IL9R: variants seen among roughly 807,000 people sequenced by gnomAD.
IL9R encodes interleukin 9 receptor.
Under a neutral mutation model 56.3 loss-of-function variants are expected in IL9R, and 54 were observed. The observed-to-expected ratio is 0.96, with a 90% confidence interval of 0.77 to 1.20. IL9R has a LOEUF of 1.20. Among genes scored for constraint, IL9R ranks in the 50% most tolerant of loss-of-function variants. The pLI, the probability that IL9R is intolerant of heterozygous loss-of-function variation, is 0.00. For missense variants in IL9R, 545 were observed against 629.8 expected, an observed-to-expected ratio of 0.87 and a Z score of 1.44; for synonymous variants, 212 against 250.2, an observed-to-expected ratio of 0.85 and a Z score of 1.44.
rs762018063 is a variant in IL9R at position 156,007,540 on chromosome X, A to T, written c.905A>T (p.Tyr302Phe). The change falls in exon 8 of 9, where the codon TAC becomes TTC. Residue 302 changes from tyrosine (Y) to phenylalanine (F), a missense_variant. Transcript: ENST00000244174. Reference sequence around the variant, plus strand: ...GGCCTCAGGGTGAAGAGAATCTTCTACCAGAACGTGCCCTCTCCAGCGATG... The same window carrying T: ...GGCCTCAGGGTGAAGAGAATCTTCTTCCAGAACGTGCCCTCTCCAGCGATG... ...KLSPRVKRIF[Y>F]QNVPSPAMFF... 6.9e-6 allele frequency: 9 copies of T among 1,312,284 alleles called. No homozygotes were observed. In the South Asian group the frequency reaches 1.1e-4, roughly 16 times the overall value. The allele number at this position is 1,312,284 out of a possible 1,614,324, so 81.3% of individuals were successfully genotyped here.
rs1172838508 is a variant in IL9R, at chrX:156,009,992, C to T, written c.1149C>T (p.Leu383=). Residue 383 remains leucine, a synonymous_variant, in exon 9 of 9, where the codon CTC becomes CTT. Coordinates refer to ENST00000244174, the MANE Select transcript of IL9R (RefSeq NM_002186.3). ...AACAGGAGGGCCCTGGGACCAGGCT[C>T]CCGGGGAACCTGAGCTCAGAGGATG... ...EEEQEGPGTR[L]PGNLSSEDVL... 1.3e-6 allele frequency: 2 copies of T among 1,555,424 alleles called. 1 individual carries two copies. Among genetic ancestry groups the T allele is most frequent in the African/African-American group, 3.7e-5 (2 of 54,002 alleles).
chrX:156,006,108 G>T lies in IL9R; in HGVS notation c.807G>T (p.Trp269Cys). Residue 269 changes from tryptophan to cysteine, a missense_variant, in exon 7 of 9, where the codon TGG becomes TGT. Trp to Cys is a radical substitution (Grantham distance 215). Around this residue, in one of 2 missense-constraint regions of IL9R, gnomAD observed 431 missense variants for 360.0 expected, o/e 1.20. Transcript: ENST00000244174. ...GCCCTCTGATCCCACCCTGGGGGTG[G>T]CCAGGCAACACCCTTGTTGCTGTGT... ...RQGPLIPPWG[W>C]PGNTLVAVSI... is the part of the protein sequence containing the mutation. The T allele has an allele frequency of 6.2e-7, 1 of 1,600,432 alleles. No individual in the cohort carries two copies.
At position 156,010,383 on chromosome X, in the gene IL9R, A is replaced by G. The variant is rs1280447609; in HGVS notation, c.1540A>G (p.Ser514Gly). ...GGGCATGTTGCTCCCTTCTGTCCTC[A>G]GCAAGGCTCGGTCCTGGACATTCTA... ...LQGMLLPSVL[S>G]KARSWTF is the part of the protein sequence containing the mutation. The change falls in exon 9 of 9, where the codon AGC becomes GGC. Residue 514 changes from serine (S) to glycine (G), a missense_variant. Ser to Gly is a moderately conservative substitution (Grantham distance 56, BLOSUM62 0). Around this residue, in one of 2 missense-constraint regions of IL9R, gnomAD observed 114 missense variants for 269.8 expected, o/e 0.42. Coordinates refer to ENST00000244174, the MANE Select transcript of IL9R (RefSeq NM_002186.3). 5 of 523,386 alleles carry G rather than the reference A, an allele frequency of 9.6e-6. No homozygotes were observed. The highest frequency in any genetic ancestry group is 1.5e-5 in the Non-Finnish European group (5 of 326,448). 32.4% of individuals were successfully genotyped at this position (523,386 alleles called of 1,614,324 possible). A position where few individuals can be genotyped will look rare whatever the true frequency, so the allele number is the denominator to read the frequency against.
At chrX:156,009,429 TTGTGTGTGTG>T (rs754546109) in intron 8 of IL9R, among the ~76,000 whole-genome samples, 1 of 134,014 alleles carries the variant, frequency 7.5e-6, no homozygotes, top group African/African-American at 3.0e-5. Context: ...TTGTGTATGT[TTGTGTGTGTG>T]TGTGTGTGTG....
intron 6 of IL9R, 40 bp downstream of exon 6, chrX:156,005,519 G>C: frequency 6.4e-7 from 1 of 1,558,092 alleles, no homozygotes; most frequent in Non-Finnish European, 8.8e-7. Flanking sequence ...AGCGGAGTCT[G>C]GGCTGGGCGT....
At chrX:156,001,951 G>C (rs3093489) in intron 1 of IL9R, among the ~76,000 whole-genome samples, 1 of 152,158 alleles carries the variant, frequency 6.6e-6, no homozygotes, top group Admixed American at 6.5e-5. Flanking sequence ...AGTTCAGAAA[G>C]TGCCATCTGT....
chrX:156,005,239 C>T, intron 5 of IL9R, 39 bp from the exon 6 acceptor site: 1 of 1,578,044 alleles, frequency 6.3e-7, no homozygotes, highest in Non-Finnish European at 8.7e-7. Context: ...GGGACCCAGC[C>T]CCACCTTCAC....
intron 1 of IL9R, 97 bp from the exon 2 acceptor site, chrX:156,002,809 G>A (rs945614621): frequency 1.1e-5 from 17 of 1,553,986 alleles, no homozygotes; most frequent in Non-Finnish European, 1.4e-5. Flanking sequence ...GAGTGCAGGT[G>A]GGGACCCATG....
At chrX:156,005,996 C>G (rs1479279623) in intron 6 of IL9R, 87 bp from the exon 7 acceptor site, 1 of 695,156 alleles carries the variant, frequency 1.4e-6, no homozygotes, top group South Asian at 1.8e-5. Context: ...GCCCAGGGCA[C>G]TAAAGGGCGC....
At chrX:155,999,619 G>A (rs1033140993) in intron 1 of IL9R, among the ~76,000 whole-genome samples, 8 of 152,096 alleles carry the variant, frequency 5.3e-5, no homozygotes, top group Non-Finnish European at 4.4e-5. Context: ...GAGGGAGCTG[G>A]CCCCTGCTCC....
At chrX:156,006,736 G>C (rs1016588354) in intron 7 of IL9R, among the ~76,000 whole-genome samples, 1 of 151,994 alleles carries the variant, frequency 6.6e-6, no homozygotes, top group Non-Finnish European at 1.5e-5. Context: ...GGTGTGGGGA[G>C]AGGGGTGTTG....
chrX:156,005,970 C>G (rs1446406941), intron 6 of IL9R, 113 bp from the exon 7 acceptor site: 10 of 697,928 alleles, frequency 1.4e-5, no homozygotes, highest in African/African-American at 1.1e-4. Flanking sequence ...AGGCCCATCA[C>G]AAACCTTCCA....
intron 1 of IL9R, among the ~76,000 whole-genome samples, chrX:156,002,650 T>A (rs1403272293): frequency 1.3e-5 from 2 of 152,144 alleles, no homozygotes; most frequent in African/African-American, 4.8e-5. Context: ...GGCCAGGATC[T>A]AAGTTTGAGG....
intron 5 of IL9R, among the ~76,000 whole-genome samples, chrX:156,004,884 G>A (rs2067809064): frequency 6.6e-6 from 1 of 152,132 alleles, no homozygotes; most frequent in African/African-American, 2.4e-5. Context: ...ATATGTAAGT[G>A]TACATATGTG....
intron 4 of IL9R, 131 bp downstream of exon 4, chrX:156,003,986 C>T: frequency 2.0e-6 from 2 of 986,176 alleles, no homozygotes; most frequent in Non-Finnish European, 3.0e-6. Context: ...GAGTGAGATC[C>T]AGGGCTGGGG....
In IL9R at chrX:156,003,794, C is replaced by G. The variant is rs781685141; in HGVS notation, c.372C>G (p.His124Gln). The part of the protein sequence containing the change: ...PSDNFTITFH[H>Q]CMSGREQVSL... ...ACAATTTCACCATCACTTTCCACCA[C>G]TGCATGTCTGGGAGGGAGCAGGTCA... Residue 124 changes from histidine to glutamine, a missense_variant, in exon 4 of 9, where the codon CAC (histidine) becomes CAG (glutamine). This residue lies in a region of IL9R where 431 missense variants were observed against 360.0 expected (regional missense o/e 1.20). Transcript: ENST00000244174. 3.8e-5 allele frequency: 61 copies of G among 1,613,814 alleles called. No homozygotes were observed. In the East Asian group the frequency reaches 5.3e-4, roughly 14 times the overall value.
intron 1 of IL9R, among the ~76,000 whole-genome samples, chrX:155,998,325 A>G (rs1429429765): frequency 6.6e-6 from 1 of 151,694 alleles, no homozygotes; most frequent in Admixed American, 6.6e-5. Context: ...TTCCAGAGGG[A>G]GGGTCAACCC....
At chrX:156,006,227 C>A in intron 7 of IL9R, 39 bp downstream of exon 7, 2 of 778,964 alleles carry the variant, frequency 2.6e-6, no homozygotes, top group Non-Finnish European at 4.4e-6. Context: ...CATGTGTGAG[C>A]GGGCAAGAGT....
chrX:156,003,421 G>A (rs767921924), intron 2 of IL9R, 28 bp from the exon 3 acceptor site: 68 of 1,518,274 alleles, frequency 4.5e-5, no homozygotes, highest in Middle Eastern at 2.3e-4. Flanking sequence ...AGTACTTACC[G>A]TGGGCTCCTG....
Sources: allele counts gnomAD v4.1 joint callset (sites outside exome capture counted in the v4.1 genomes callset), GRCh38; gene constraint gnomAD v4.1.1; regional missense constraint gnomAD v4.1.1; transcripts MANE v1.5; gene names NCBI Gene and HGNC (gene_info 2026-07-23, HGNC 2026-07-21).